ATP2B2: variants seen among roughly 807,000 people sequenced by gnomAD.
ATP2B2 encodes ATPase plasma membrane Ca2+ transporting 2, also known as plasma membrane calcium-transporting ATPase 2.
ATP2B2 carries 15 observed loss-of-function variants against 120.0 expected under a neutral mutation model. The observed-to-expected ratio is 0.12, with a 90% CI of 0.08 to 0.19. ATP2B2 has a LOEUF of 0.19. ATP2B2 is among the 10% of genes least tolerant of loss of function. The pLI, the probability that ATP2B2 is intolerant of heterozygous loss-of-function variation, is 1.00. For missense variants in ATP2B2, 1,045 were observed against 1,719.8 expected (o/e 0.61, Z 6.94); for synonymous variants, 694 against 700.3 (o/e 0.99, Z 0.14).
chr3:10,457,084 T>C (rs1375695194), intron 1 of ATP2B2, among the ~76,000 whole-genome samples: 3 of 152,066 alleles, frequency 2.0e-5, no homozygotes, highest in African/African-American at 7.2e-5. Context: ...GGCATGCCAA[T>C]GTGAGTGTGC....
At chr3:10,362,398 A>G (rs1367861498) in intron 12 of ATP2B2, among the ~76,000 whole-genome samples, 1 of 152,150 alleles carries the variant, frequency 6.6e-6, no homozygotes, top group East Asian at 1.9e-4. Flanking sequence ...CCCGATTCAC[A>G]TGGGGGGAAT....
chr3:10,706,972 T>C (rs1326059209), intron 1 of ATP2B2, among the ~76,000 whole-genome samples: 2 of 152,240 alleles, frequency 1.3e-5, no homozygotes, highest in African/African-American at 4.8e-5. Context: ...CTCATGTCCC[T>C]TTCCCAAGGC....
At chr3:10,377,240 G>A (rs1034362863) in intron 10 of ATP2B2, among the ~76,000 whole-genome samples, 5 of 152,086 alleles carry the variant, frequency 3.3e-5, no homozygotes, top group African/African-American at 7.2e-5. Context: ...GAGGATAGAG[G>A]AAATCCCTGG....
chr3:10,478,172 T>C (rs1003054424), intron 1 of ATP2B2, among the ~76,000 whole-genome samples: 6 of 152,256 alleles, frequency 3.9e-5, no homozygotes, highest in Non-Finnish European at 8.8e-5. Context: ...TTGTGTATCT[T>C]CTTTTCAGAA....
intron 2 of ATP2B2, among the ~76,000 whole-genome samples, chr3:10,573,509 G>T (rs1265859896): frequency 1.3e-5 from 2 of 152,156 alleles, no homozygotes; most frequent in African/African-American, 4.8e-5. Context: ...AAACAAGAGG[G>T]TCTCAAATTT....
intron 3 of ATP2B2, among the ~76,000 whole-genome samples, chr3:10,512,472 A>AGTG (rs1559431403): frequency 5.1e-4 from 30 of 58,832 alleles, no homozygotes; most frequent in African/African-American, 1.7e-3. Context: ...GCGCACACAC[A>AGTG]CACACACACA....
rs184109573 is a variant in ATP2B2, at chr3:10,571,873, C to A, written c.-414-37740G>T. ...AATTCCTTATCTCTAAAACGGAGCT[C>A]TGGAAGATTGTGCAATTGGCTCCCA... On this transcript the variant is annotated intron_variant, in intron 2 of 21. Coordinates refer to the ATP2B2 transcript ENST00000646379. Among the ~76,000 whole-genome samples, 839 of 152,318 alleles carry A rather than the reference C, an allele frequency of 5.5e-3. 7 individuals are homozygous for A. The highest frequency in any genetic ancestry group is 0.017 in the African/African-American group (724 of 41,586).
At chr3:10,392,527 G>C (rs1326070649) in intron 5 of ATP2B2, among the ~76,000 whole-genome samples, 1 of 152,252 alleles carries the variant, frequency 6.6e-6, no homozygotes, top group Non-Finnish European at 1.5e-5. Context: ...TCAAAGCGCA[G>C]TGGGCTAAAC....
At chr3:10,574,993 C>T (rs567228053) in intron 2 of ATP2B2, among the ~76,000 whole-genome samples, 31 of 152,212 alleles carry the variant, frequency 2.0e-4, no homozygotes, top group Middle Eastern at 6.8e-3. Context: ...CAGGGCCTGC[C>T]GGGCTGGGAC....
intron 1 of ATP2B2, among the ~76,000 whole-genome samples, chr3:10,471,388 GTGTGTGTGT>G (rs2064993218): frequency 8.4e-6 from 1 of 119,454 alleles, no homozygotes; most frequent in Non-Finnish European, 1.7e-5. Context: ...GTGTGTGTGT[GTGTGTGTGT>G]GTTTGTGTGC....
chr3:10,444,063 T>C (rs1180382023), intron 2 of ATP2B2, among the ~76,000 whole-genome samples: 1 of 152,188 alleles, frequency 6.6e-6, no homozygotes, highest in Non-Finnish European at 1.5e-5. Context: ...CTCAGGAGTT[T>C]TTCTCCTCTC....
intron 1 of ATP2B2, among the ~76,000 whole-genome samples, chr3:10,495,607 C>T (rs1025716432): frequency 6.6e-6 from 1 of 152,204 alleles, no homozygotes; most frequent in Admixed American, 6.5e-5. Flanking sequence ...TGTCTCCACT[C>T]AGCTCAGAAT....
intron 2 of ATP2B2, among the ~76,000 whole-genome samples, chr3:10,425,720 AC>A (rs953122155): frequency 6.6e-6 from 1 of 152,108 alleles, no homozygotes; most frequent in Non-Finnish European, 1.5e-5. Flanking sequence ...TTCAAGAAAA[AC>A]ATCTCAGATA....
At chr3:10,388,182 G>A (rs781538544) in intron 6 of ATP2B2, 95 bp downstream of exon 6, 25 of 1,569,300 alleles carry the variant, frequency 1.6e-5, no homozygotes, top group Non-Finnish European at 2.2e-5. Flanking sequence ...GACGTAGAAG[G>A]CACTCAATAA....
intron 8 of ATP2B2, among the ~76,000 whole-genome samples, chr3:10,379,620 C>T (rs557289885): frequency 6.6e-6 from 1 of 152,256 alleles, no homozygotes; most frequent in East Asian, 1.9e-4. Context: ...GAGGAGGCAG[C>T]AGAGAAGCAC....
chr3:10,654,431 C>A (rs2125670738), intron 1 of ATP2B2, among the ~76,000 whole-genome samples: 1 of 152,232 alleles, frequency 6.6e-6, no homozygotes, highest in East Asian at 1.9e-4. Flanking sequence ...AGTTTCCAGG[C>A]TGTACAGGCT....
intron 2 of ATP2B2, among the ~76,000 whole-genome samples, chr3:10,433,173 C>G (rs940305888): frequency 2.0e-5 from 3 of 152,130 alleles, no homozygotes; most frequent in African/African-American, 7.2e-5. Context: ...TGGGCTGAGG[C>G]GAAGTGTGGG....
chr3:10,336,017 CT>C (rs769774811), intron 22 of ATP2B2: 68 of 1,320,088 alleles, frequency 5.2e-5, no homozygotes, highest in Non-Finnish European at 6.9e-5. Flanking sequence ...CTTCATCCCC[CT>C]GGGCCTGATT....
intron 2 of ATP2B2, chr3:10,570,470 T>A (rs1317198808): frequency 6.6e-6 from 1 of 150,826 alleles, no homozygotes; most frequent in African/African-American, 2.4e-5. Context: ...TGTTAGTGAT[T>A]TTAAGAAACC....
Sources: gnomAD v4.1 joint callset for allele counts (sites outside exome capture counted in the v4.1 genomes callset) on GRCh38, gnomAD v4.1.1 for gene constraint, MANE v1.5 for transcripts, NCBI Gene and HGNC (gene_info 2026-07-23, HGNC 2026-07-21) for gene names.